Variants in OVCH2 observed in about 807,000 individuals in gnomAD.
OVCH2 encodes the protein ovochymase 2, also known as ovochymase-2.
OVCH2 carries 88 observed loss-of-function variants against 73.7 expected under a neutral mutation model. The observed-to-expected ratio is 1.19, with a 90% CI of 1.01 to 1.43. The LOEUF is 1.43. OVCH2 is among the 40% of genes most tolerant of loss of function. The probability of loss-of-function intolerance (pLI) is 0.00; values close to 1 mark genes in which losing one functional copy is unlikely to be tolerated. For synonymous variants in OVCH2, 265 were observed against 234.5 expected (o/e 1.13, Z -1.19); for missense variants, 706 against 674.5 (o/e 1.05, Z -0.52).
intron 7 of OVCH2, 176 bp downstream of exon 7, chr11:7,700,120 C>T: frequency 3.3e-6 from 2 of 611,878 alleles, no homozygotes; most frequent in African/African-American, 1.8e-5. Context: ...CTCCACATAC[C>T]ATATTTTACT....
the OVCH2 span, among the ~76,000 whole-genome samples, chr11:7,684,383 G>A: frequency 6.6e-6 from 1 of 152,006 alleles, no homozygotes; most frequent in East Asian, 1.9e-4. Flanking sequence ...ACACAGTTGA[G>A]TTTCTGGGCC....
chr11:7,694,803 CTTTTTTTTTTT>C (rs34314441), intron 12 of OVCH2, among the ~76,000 whole-genome samples: 1 of 108,390 alleles, frequency 9.2e-6, no homozygotes, highest in African/African-American at 3.6e-5. Context: ...TAAAGCGGCA[CTTTTTTTTTTT>C]TTTTTTTTTT....
chr11:7,694,471 C>G (rs529050237), intron 12 of OVCH2, among the ~76,000 whole-genome samples: 1 of 152,170 alleles, frequency 6.6e-6, no homozygotes, highest in East Asian at 1.9e-4. Context: ...GTCCTCTCTG[C>G]TTGAAAGGCT....
chr11:7,686,816 C>T (rs1233280257), downstream of OVCH2, among the ~76,000 whole-genome samples: 1 of 152,106 alleles, frequency 6.6e-6, no homozygotes, highest in Non-Finnish European at 1.5e-5. Context: ...CCCTGAGCAT[C>T]CTGAAGATTT....
In OVCH2 at chr11:7,689,545, C is replaced by A; in HGVS notation, c.*89G>T. On this transcript the variant is annotated 3_prime_UTR_variant, in exon 16 of 16. Coordinates refer to ENST00000533663, the MANE Select transcript of OVCH2 (RefSeq NM_198185.7). Reference sequence around the variant, plus strand: ...TCTGAGGGCTGTGACGAGGAGTCTGCCCCAAGCCTCTCCTCTAGCTTCTGG... The same window carrying A: ...TCTGAGGGCTGTGACGAGGAGTCTGACCCAAGCCTCTCCTCTAGCTTCTGG... 1 of 447,980 alleles carries A rather than the reference C, an allele frequency of 2.2e-6. No individual in the cohort carries two copies. The allele number at this position is 447,980 out of a possible 1,614,324, so 27.8% of individuals were successfully genotyped here. A position where few individuals can be genotyped will look rare whatever the true frequency, so the allele number is the denominator to read the frequency against.
chr11:7,683,999 TTA>T, the OVCH2 span, among the ~76,000 whole-genome samples: 9 of 149,362 alleles, frequency 6.0e-5, no homozygotes, highest in Admixed American at 4.0e-4. Context: ...ATCTGGCATT[TTA>T]TATATATATA....
At chr11:7,695,030 G>A (rs1017124316) in intron 12 of OVCH2, 28 bp downstream of exon 12, 78 of 1,540,506 alleles carry the variant, frequency 5.1e-5, no homozygotes, top group Non-Finnish European at 6.0e-5. Context: ...ATTTACCATA[G>A]CTACGTAAGG....
At position 7,700,453 on chromosome 11, in the gene OVCH2, A is replaced by G. The variant is rs751803942; in HGVS notation, c.744T>C (p.Asn248=). 1.9e-6 allele frequency: 3 copies of G among 1,609,814 alleles called. No homozygotes were observed. In the South Asian group the frequency reaches 3.3e-5, roughly 18 times the overall value. ...CAGCCAGAGTCCAGGCCCCTTTCTT[A>G]TTCCGGCACATGAGTGAACCTCCTG... ...GDSGGSLMCR[N]KKGAWTLAGV... Residue 248 remains asparagine (N), a synonymous_variant, in exon 7 of 16, where the codon AAT becomes AAC. Coordinates refer to ENST00000533663, the MANE Select transcript of OVCH2 (RefSeq NM_198185.7).
At chr11:7,696,631 A>G (rs769674667) in intron 9 of OVCH2, 42 bp from the exon 10 acceptor site, 1 of 1,613,992 alleles carries the variant, frequency 6.2e-7, no homozygotes, top group Non-Finnish European at 8.5e-7. Context: ...CTAGACAGAA[A>G]ACGACTATCA....
At position 7,703,804 on chromosome 11, in the gene OVCH2, C is replaced by T. The variant is rs761660473; in HGVS notation, c.199-15G>A. On this transcript the variant is annotated splice_polypyrimidine_tract_variant and intron_variant, in intron 2 of 15. Coordinates refer to ENST00000533663, the MANE Select transcript of OVCH2 (RefSeq NM_198185.7). ...TTCAGAGATACCTAAATTGCAAATA[C>T]CTTAAATGAAAGCAAGTTCATGCCC... The T allele has an allele frequency of 1.3e-6, 2 of 1,588,340 alleles. No individual in the cohort carries two copies. Among genetic ancestry groups the T allele is most frequent in the East Asian group, 4.5e-5 (2 of 44,010 alleles).
downstream of OVCH2, among the ~76,000 whole-genome samples, chr11:7,686,368 G>T (rs903007950): frequency 1.3e-5 from 2 of 152,122 alleles, no homozygotes; most frequent in African/African-American, 2.4e-5. Context: ...ATAATGGATT[G>T]TACATTAATG....
At chr11:7,696,116 G>A (rs1290092372) in intron 10 of OVCH2, among the ~76,000 whole-genome samples, 4 of 152,172 alleles carry the variant, frequency 2.6e-5, no homozygotes, top group Non-Finnish European at 5.9e-5. Context: ...TTAGCTTGAT[G>A]AGGCAGGGAA....
At chr11:7,700,647 A>C (rs1003740146) in intron 6 of OVCH2, among the ~76,000 whole-genome samples, 162 bp from the exon 7 acceptor site, 1 of 152,154 alleles carries the variant, frequency 6.6e-6, no homozygotes, top group Admixed American at 6.6e-5. Flanking sequence ...CACAATTCCC[A>C]TATGATCCTC....
intron 2 of OVCH2, 100 bp downstream of exon 2, chr11:7,704,465 T>C (rs972309483): frequency 4.0e-6 from 3 of 757,442 alleles, no homozygotes; most frequent in Non-Finnish European, 6.3e-6. Flanking sequence ...TCAACCCAAC[T>C]AGGCTGTAGG....
chr11:7,699,458 C>T (rs1164165236), intron 7 of OVCH2: 1 of 152,240 alleles, frequency 6.6e-6, no homozygotes, highest in Non-Finnish European at 1.5e-5. Context: ...CTATGTAGCA[C>T]TCTAAATTGT....
At chr11:7,691,702 C>A (rs1856224583) in intron 13 of OVCH2, among the ~76,000 whole-genome samples, 200 bp downstream of exon 13, 1 of 152,138 alleles carries the variant, frequency 6.6e-6, no homozygotes, top group South Asian at 2.1e-4. Context: ...TTTTGCATTT[C>A]TGTTTCAGTG....
chr11:7,700,102 G>A, intron 7 of OVCH2, 194 bp downstream of exon 7: 1 of 576,128 alleles, frequency 1.7e-6, no homozygotes, highest in Non-Finnish European at 3.0e-6. Flanking sequence ...TTGAATATCT[G>A]CATGCTGCTC....
In OVCH2 at chr11:7,696,596, G is replaced by A; in HGVS notation, c.1017-7C>T. ...CAGGGTCCAGACACACCGTCTGTAGGCAGATCATGGAGAGGGCGTTATTTC... is the reference window on the plus strand; with the variant it reads ...CAGGGTCCAGACACACCGTCTGTAGACAGATCATGGAGAGGGCGTTATTTC... On this transcript the variant is annotated splice_region_variant and splice_polypyrimidine_tract_variant and intron_variant, in intron 9 of 15. Transcript: ENST00000533663. 1 of 1,614,038 alleles carries A rather than the reference G, an allele frequency of 6.2e-7. No individual in the cohort carries two copies. Among genetic ancestry groups the A allele is most frequent in the Non-Finnish European group, 8.5e-7 (1 of 1,179,900 alleles).
At chr11:7,692,114 T>C in intron 12 of OVCH2, 119 bp from the exon 13 acceptor site, 1 of 697,728 alleles carries the variant, frequency 1.4e-6, no homozygotes, top group East Asian at 2.7e-5. Flanking sequence ...GATAAGAAAG[T>C]TAATGGGGTA....
Sources: allele counts gnomAD v4.1 joint callset (sites outside exome capture counted in the v4.1 genomes callset), GRCh38; gene constraint gnomAD v4.1.1; transcripts MANE v1.5; gene names NCBI Gene and HGNC (gene_info 2026-07-23, HGNC 2026-07-21).